NCAM1: variants seen among roughly 807,000 people sequenced by gnomAD.
NCAM1 encodes neural cell adhesion molecule 1.
In NCAM1, 14 loss-of-function variants were observed where a neutral mutation model predicts 109.8. The ratio of observed to expected loss-of-function variants is 0.13; its 90% confidence interval spans 0.08 to 0.20. The LOEUF is 0.20. Among genes scored for constraint, NCAM1 ranks in the 10% least tolerant of loss-of-function variants. The pLI is 1.00. For missense variants in NCAM1, 774 were observed against 1,109.9 expected (o/e 0.70, Z 4.30); for synonymous variants, 418 against 442.9 (o/e 0.94, Z 0.70).
rs1946330296 is a variant in NCAM1, at chr11:113,273,339, A to G, written c.2456+1463A>G. 1 of 340,938 alleles carries G rather than the reference A, an allele frequency of 2.9e-6. No homozygotes were observed. Among genetic ancestry groups the G allele is most frequent in the African/African-American group, 2.2e-5 (1 of 46,498 alleles). The allele number at this position is 340,938 out of a possible 1,614,324, so 21.1% of individuals were successfully genotyped here. On this transcript the variant is annotated intron_variant, in intron 19 of 19. Transcript: ENST00000316851. The surrounding 1 kb of genome is among the most constrained non-coding windows in gnomAD (Gnocchi z 6.0). ...GGAGGCCTCTAAGGCTCCTCCGGCC[A>G]GCAAGCCCACCCCTGCACCAGTCCC... is the stretch of plus-strand genomic sequence containing the variant.
intron 1 of NCAM1, among the ~76,000 whole-genome samples, chr11:113,030,608 TC>T (rs2135339942): frequency 6.6e-6 from 1 of 152,344 alleles, no homozygotes; most frequent in South Asian, 2.1e-4. Flanking sequence ...TCTGCAGATG[TC>T]TGGTAAGGAA....
At chr11:113,240,568 G>C (rs909619316) in intron 14 of NCAM1, 7 of 566,900 alleles carry the variant, frequency 1.2e-5, no homozygotes, top group Non-Finnish European at 2.2e-5. Context: ...GAACTGCAGG[G>C]TTTGGCAGGT....
intron 1 of NCAM1, among the ~76,000 whole-genome samples, chr11:113,059,331 G>A (rs1354265743): frequency 2.0e-5 from 3 of 152,230 alleles, no homozygotes; most frequent in Non-Finnish European, 2.9e-5. Context: ...ACAACCGTGA[G>A]ATTTAGTGGC....
At chr11:112,999,105 C>T (rs1555071991) in intron 1 of NCAM1, among the ~76,000 whole-genome samples, 2 of 152,144 alleles carry the variant, frequency 1.3e-5, no homozygotes, top group African/African-American at 4.8e-5. Context: ...GTATGAACTA[C>T]CATTCCATTC....
chr11:113,166,758 C>A (rs561472855), intron 1 of NCAM1, among the ~76,000 whole-genome samples: 1 of 151,780 alleles, frequency 6.6e-6, no homozygotes, highest in African/African-American at 2.4e-5. Context: ...GTTGTCACTG[C>A]GACACACACA....
At chr11:113,123,381 TG>T (rs1555096460) in intron 1 of NCAM1, among the ~76,000 whole-genome samples, 2 of 152,168 alleles carry the variant, frequency 1.3e-5, no homozygotes, top group Non-Finnish European at 2.9e-5. Context: ...AGACTTGGAT[TG>T]GGGAGGGGGT....
At chr11:113,096,119 G>T (rs2135810665) in intron 1 of NCAM1, among the ~76,000 whole-genome samples, 1 of 152,248 alleles carries the variant, frequency 6.6e-6, no homozygotes, top group South Asian at 2.1e-4. Flanking sequence ...GTGCACTGGG[G>T]TCACAGAGCA....
intron 1 of NCAM1, among the ~76,000 whole-genome samples, chr11:113,022,569 G>C (rs782712840): frequency 6.6e-5 from 10 of 152,208 alleles, no homozygotes; most frequent in Admixed American, 3.3e-4. Context: ...ATCTGGTAGA[G>C]AGATGGCCAA....
intron 1 of NCAM1, among the ~76,000 whole-genome samples, chr11:113,025,276 G>A (rs1415923028): frequency 6.6e-6 from 1 of 152,146 alleles, no homozygotes; most frequent in Non-Finnish European, 1.5e-5. Flanking sequence ...TTGCTCATGT[G>A]TTGGGTTATA....
At chr11:113,202,332 G>T (rs76487552) in intron 1 of NCAM1, 47 bp from the exon 2 acceptor site, 34,296 of 1,383,812 alleles carry the variant, frequency 0.025, 932 homozygotes, top group African/African-American at 0.11. Context: ...AACTTTGTGG[G>T]TTTTTTTTTG....
chr11:113,138,018 A>G (rs1264580756), intron 1 of NCAM1, among the ~76,000 whole-genome samples: 1 of 151,456 alleles, frequency 6.6e-6, no homozygotes, highest in Non-Finnish European at 1.5e-5. Context: ...GCTTTACCCT[A>G]GGGAAAAAAA....
At chr11:112,995,982 C>T (rs989681948) in intron 1 of NCAM1, among the ~76,000 whole-genome samples, 2 of 152,160 alleles carry the variant, frequency 1.3e-5, no homozygotes, top group Non-Finnish European at 2.9e-5. Flanking sequence ...GCTCTTTGTG[C>T]AAGTCAAAAC....
intron 1 of NCAM1, among the ~76,000 whole-genome samples, chr11:113,149,929 A>G (rs1030577097): frequency 4.6e-5 from 7 of 152,164 alleles, no homozygotes; most frequent in Non-Finnish European, 1.0e-4. Flanking sequence ...TGTGGGATTG[A>G]CTCTCAGAAG....
At chr11:113,249,651 T>C (rs1335172912) in intron 15 of NCAM1, among the ~76,000 whole-genome samples, 1 of 152,240 alleles carries the variant, frequency 6.6e-6, no homozygotes, top group African/African-American at 2.4e-5. Flanking sequence ...CTGTCATAAC[T>C]TCCTCAGCCT....
At chr11:112,980,090 A>G (rs782204496) in intron 1 of NCAM1, among the ~76,000 whole-genome samples, 21 of 151,894 alleles carry the variant, frequency 1.4e-4, no homozygotes, top group Admixed American at 2.6e-4. Flanking sequence ...AATGGCCAAA[A>G]GATGTCAACA....
At chr11:113,234,587 A>G (rs1945107736) in intron 13 of NCAM1, among the ~76,000 whole-genome samples, 11 of 152,238 alleles carry the variant, frequency 7.2e-5, no homozygotes. Flanking sequence ...TTAGCATAAT[A>G]TCTTCAAGGT....
chr11:112,982,787 A>G (rs1475534533), intron 1 of NCAM1, among the ~76,000 whole-genome samples: 1 of 151,882 alleles, frequency 6.6e-6, no homozygotes, highest in Admixed American at 6.6e-5. Flanking sequence ...TTAATTTTTT[A>G]AAAAAGGTAA....
At chr11:113,261,219 G>T (rs1346597224) in intron 17 of NCAM1, among the ~76,000 whole-genome samples, 1 of 152,022 alleles carries the variant, frequency 6.6e-6, no homozygotes, top group Non-Finnish European at 1.5e-5. Context: ...TGTCTTCAGT[G>T]CTTGCCCGGC....
intron 14 of NCAM1, chr11:113,240,499 T>G: frequency 8.8e-6 from 4 of 456,444 alleles, no homozygotes; most frequent in Non-Finnish European, 1.2e-5. Context: ...CTGAACTGGA[T>G]ATTTGTTTTC....
Sources: gnomAD v4.1 joint callset for allele counts (sites outside exome capture counted in the v4.1 genomes callset) on GRCh38, gnomAD v4.1.1 for gene constraint, Gnocchi (gnomAD v3.1) non-coding constraint, MANE v1.5 for transcripts, NCBI Gene and HGNC (gene_info 2026-07-23, HGNC 2026-07-21) for gene names.